Variants in SS18L1 observed in about 807,000 individuals in gnomAD.
The protein encoded by SS18L1 is SS18L1 subunit of BAF chromatin remodeling complex.
A neutral mutation model predicts 70.3 loss-of-function variants in SS18L1; 32 were observed. The ratio of observed to expected loss-of-function variants is 0.46; its 90% CI spans 0.34 to 0.61. SS18L1 has a LOEUF of 0.61. Ranked by LOEUF, SS18L1 falls within the 20% of genes least tolerant of loss-of-function variation. The pLI is 0.01. For missense variants in SS18L1, 430 were observed against 542.1 expected (o/e 0.79, Z 2.05); for synonymous variants, 237 against 229.7 (o/e 1.03, Z -0.29).
At chr20:62,165,380 T>A in intron 7 of SS18L1, 42 bp from the exon 8 acceptor site, 1 of 1,582,422 alleles carries the variant, frequency 6.3e-7, no homozygotes, top group Non-Finnish European at 8.6e-7. Flanking sequence ...ACCTGTGCAG[T>A]GCACAGCCTC....
rs1230645164 is a variant in SS18L1 at position 62,181,746 on chromosome 20, GTTCCTT to G, written c.*2542_*2547del. The G allele has an allele frequency of 4.5e-6, 1 of 224,524 alleles. No individual in the cohort carries two copies. Among genetic ancestry groups the G allele is most frequent in the East Asian group, 6.5e-5 (1 of 15,382 alleles). The allele number at this position is 224,524 out of a possible 1,614,324, so 13.9% of individuals were successfully genotyped here. A position where few individuals can be genotyped will look rare whatever the true frequency, so the allele number is the denominator to read the frequency against. ...TATTATGGGGAAAGTGATGCCAGCA[GTTCCTT>G]TTCATTATTCTATCTTCTGTCATAT... On this transcript the variant is annotated 3_prime_UTR_variant, in exon 11 of 11. Transcript: ENST00000331758.
intron 1 of SS18L1, among the ~76,000 whole-genome samples, chr20:62,157,580 A>G (rs1374084749): frequency 6.6e-6 from 1 of 152,180 alleles, no homozygotes; most frequent in African/African-American, 2.4e-5. Flanking sequence ...GCGCCTGCAG[A>G]GAGACCCCTG....
At chr20:62,146,164 C>T (rs575571919) in intron 1 of SS18L1, among the ~76,000 whole-genome samples, 23 of 152,166 alleles carry the variant, frequency 1.5e-4, no homozygotes, top group African/African-American at 5.3e-4. Flanking sequence ...GGAGATCTTC[C>T]AGGCCAACTT....
chr20:62,152,512 C>T (rs1332620211), intron 1 of SS18L1, among the ~76,000 whole-genome samples: 7 of 152,216 alleles, frequency 4.6e-5, no homozygotes, highest in Admixed American at 6.5e-5. Context: ...AGAAACTCGG[C>T]CTCTTAGGAA....
In SS18L1 at chr20:62,181,461, T is replaced by A. The variant is rs575347306; in HGVS notation, c.*2253T>A. The stretch of plus-strand genomic sequence containing the variant: ...TTTTTATTCCTTGCCAATCTGGGAA[T>A]ATGCCTTTTTTGTGTGTTTGTGTGT... On this transcript the variant is annotated 3_prime_UTR_variant, in exon 11 of 11. Coordinates refer to ENST00000331758, the MANE Select transcript of SS18L1 (RefSeq NM_198935.3). The A allele has an allele frequency of 1.6e-3, 328 of 211,408 alleles. No homozygotes were observed. The highest frequency in any genetic ancestry group is 7.4e-3 in the Middle Eastern group (5 of 672). The allele number at this position is 211,408 out of a possible 1,614,324, so 13.1% of individuals were successfully genotyped here. A position where few individuals can be genotyped will look rare whatever the true frequency, so the allele number is the denominator to read the frequency against.
In SS18L1 at chr20:62,162,941, C is replaced by G; in HGVS notation, c.556+10C>G. ...ATGCAGTCCAACCCAGGTACCTACT[C>G]TGCCTCTGCAACCCCGGGGGGCCTG... On this transcript the variant is annotated intron_variant, in intron 5 of 10. Transcript: ENST00000331758. 6.2e-7 allele frequency: 1 copy of G among 1,611,386 alleles called. No homozygotes were observed. Among genetic ancestry groups the G allele is most frequent in the East Asian group, 2.2e-5 (1 of 44,780 alleles).
Position 62,158,432 on chromosome 20 carries a change from A to G in SS18L1, c.70-240A>G, listed in dbSNP as rs991087765. On this transcript the variant is annotated intron_variant, in intron 1 of 10. Transcript: ENST00000331758. This position sits in a 1 kb window ranked among gnomAD's most constrained non-coding sequence, Gnocchi z 4.5. ...CAAAATCCAGAACCTTTTGAGCACC[A>G]ACATGAGGCTCAAAGGAAATGCTCA... 6.6e-6 allele frequency among the ~76,000 whole-genome samples: 1 copy of G among 151,828 alleles called. No homozygotes were observed. Among genetic ancestry groups the G allele is most frequent in the Non-Finnish European group, 1.5e-5 (1 of 67,980 alleles).
chr20:62,172,769 A>T lies in SS18L1; in HGVS notation c.1004A>T (p.Gln335Leu). The T allele has an allele frequency of 6.2e-7, 1 of 1,614,022 alleles. No individual in the cohort carries two copies. The highest frequency in any genetic ancestry group is 1.1e-5 in the South Asian group (1 of 91,078). Residue 335 changes from glutamine (Q) to leucine (L), a missense_variant, in exon 9 of 11, where the codon CAG becomes CTG. Physicochemically the swap from Gln to Leu is moderately radical, Grantham distance 113 (BLOSUM62 -2). Transcript: ENST00000331758. Reference sequence around the variant, plus strand: ...TACTCCCAGCAGCAGTACCCCAGCCAGCAGAGCTACCCCGGGCAGCAGCAG... The same window carrying T: ...TACTCCCAGCAGCAGTACCCCAGCCTGCAGAGCTACCCCGGGCAGCAGCAG... Reference protein sequence around the residue: ...QTYSQQQYPSQQSYPGQQQGY... With the variant: ...QTYSQQQYPSLQSYPGQQQGY...
chr20:62,151,770 A>C (rs2057134320), intron 1 of SS18L1, among the ~76,000 whole-genome samples: 1 of 151,650 alleles, frequency 6.6e-6, no homozygotes, highest in Admixed American at 6.6e-5. Flanking sequence ...TCACCCCCAC[A>C]ATGGGCACAG....
At chr20:62,150,069 A>C (rs2057099702) in intron 1 of SS18L1, among the ~76,000 whole-genome samples, 2 of 152,190 alleles carry the variant, frequency 1.3e-5, no homozygotes, top group African/African-American at 4.8e-5. Flanking sequence ...ATGTTCTTAG[A>C]GTCTTTGAAA....
chr20:62,145,763 T>C (rs895572901), intron 1 of SS18L1, among the ~76,000 whole-genome samples: 25 of 152,178 alleles, frequency 1.6e-4, no homozygotes, highest in African/African-American at 5.8e-4. Flanking sequence ...AGTCTGCGTA[T>C]TGGGCTTGGT....
chr20:62,156,151 C>G (rs1297382848), intron 1 of SS18L1, among the ~76,000 whole-genome samples: 4 of 152,206 alleles, frequency 2.6e-5, no homozygotes, highest in Non-Finnish European at 5.9e-5. Flanking sequence ...CTTGCGCCCC[C>G]CGGCCCATCC....
Position 62,163,561 on chromosome 20 carries a change from C to A in SS18L1, c.660C>A (p.Gly220=). 6.2e-7 allele frequency: 1 copy of A among 1,610,490 alleles called. No individual in the cohort carries two copies. Among genetic ancestry groups the A allele is most frequent in the Non-Finnish European group, 8.5e-7 (1 of 1,179,592 alleles). ...GQSSIAMMGQ[G]SQGSSMMGQR... ...CGTCCATCGCCATGATGGGGCAGGGCAGCCAGGGGAGCAGCATGATGGGGC... is the reference window on the plus strand; with the variant it reads ...CGTCCATCGCCATGATGGGGCAGGGAAGCCAGGGGAGCAGCATGATGGGGC... The change falls in exon 6 of 11, where the codon GGC becomes GGA. Residue 220 remains glycine (G), a synonymous_variant. Transcript: ENST00000331758.
At chr20:62,163,063 C>CTCAGA in intron 5 of SS18L1, 132 bp downstream of exon 5, 1 of 1,227,376 alleles carries the variant, frequency 8.1e-7, no homozygotes, top group Admixed American at 2.7e-5. Context: ...GCCCGTGAAT[C>CTCAGA]GGGGCTGGCC....
intron 3 of SS18L1, among the ~76,000 whole-genome samples, chr20:62,160,790 C>T (rs2057315390): frequency 6.6e-6 from 1 of 152,138 alleles, no homozygotes; most frequent in Non-Finnish European, 1.5e-5. Context: ...TGTCAAATTG[C>T]ACTTCTTCAC....
chr20:62,175,103 G>A (rs1050162571), intron 10 of SS18L1, among the ~76,000 whole-genome samples: 2 of 152,242 alleles, frequency 1.3e-5, no homozygotes, highest in African/African-American at 4.8e-5. Context: ...GCAGGCGACC[G>A]CATTTGGCCC....
intron 10 of SS18L1, among the ~76,000 whole-genome samples, chr20:62,175,840 G>A (rs1038838482): frequency 1.3e-5 from 2 of 152,232 alleles, no homozygotes; most frequent in East Asian, 1.9e-4. Context: ...CCAGGGCACC[G>A]TACTCGGCCA....
chr20:62,159,082 A>G lies in SS18L1; in HGVS notation c.146+334A>G. Reference sequence around the variant, plus strand: ...CCGAGAGTCCCTGGCACAGCTGCGAAGCATTGCTGCCAGAACTGGGGTAGT... The same window carrying G: ...CCGAGAGTCCCTGGCACAGCTGCGAGGCATTGCTGCCAGAACTGGGGTAGT... On this transcript the variant is annotated intron_variant, in intron 2 of 10. Coordinates refer to ENST00000331758, the MANE Select transcript of SS18L1 (RefSeq NM_198935.3). The surrounding 1 kb of genome is among the most constrained non-coding windows in gnomAD (Gnocchi z 4.4). The G allele has an allele frequency of 1.4e-6, 2 of 1,442,594 alleles. No individual in the cohort carries two copies. Among genetic ancestry groups the G allele is most frequent in the South Asian group, 2.3e-5 (2 of 87,830 alleles). The allele number at this position is 1,442,594 out of a possible 1,614,324, so 89.4% of individuals were successfully genotyped here. A position where few individuals can be genotyped will look rare whatever the true frequency, so the allele number is the denominator to read the frequency against.
In SS18L1 at chr20:62,161,361, A is replaced by AT; in HGVS notation, c.232-74dup. 6.2e-7 allele frequency: 1 copy of AT among 1,609,254 alleles called. No homozygotes were observed. Among genetic ancestry groups the AT allele is most frequent in the South Asian group, 1.1e-5 (1 of 90,464 alleles). On this transcript the variant is annotated intron_variant, in intron 3 of 10. Transcript: ENST00000331758. This position sits in a 1 kb window ranked among gnomAD's most constrained non-coding sequence, Gnocchi z 4.4. Reference sequence around the variant, plus strand: ...GGCGGCAAATCTCGGGTGCCCTCTCATCCCTGGCCTGGCTTGTGGAGGTCG... The same window carrying AT: ...GGCGGCAAATCTCGGGTGCCCTCTCATTCCCTGGCCTGGCTTGTGGAGGTCG...
Sources: gnomAD v4.1 joint callset for allele counts (sites outside exome capture counted in the v4.1 genomes callset) on GRCh38, gnomAD v4.1.1 for gene constraint, Gnocchi (gnomAD v3.1) non-coding constraint, MANE v1.5 for transcripts, NCBI Gene and HGNC (gene_info 2026-07-23, HGNC 2026-07-21) for gene names.